CCT3: variants seen among roughly 807,000 people sequenced by gnomAD.
The protein encoded by CCT3 is T-complex protein 1 subunit gamma.
CCT3 carries 10 observed loss-of-function variants against 65.3 expected under a neutral mutation model. The ratio of observed to expected loss-of-function variants is 0.15; its 90% confidence interval spans 0.09 to 0.26. The LOEUF is 0.26. Ranked by LOEUF, CCT3 falls within the 10% of genes least tolerant of loss-of-function variation. The pLI, the probability that CCT3 is intolerant of heterozygous loss-of-function variation, is 1.00. For missense variants in CCT3, 626 were observed against 708.7 expected, an observed-to-expected ratio of 0.88 and a Z score of 1.33; for synonymous variants, 225 against 242.3, an observed-to-expected ratio of 0.93 and a Z score of 0.66.
intron 2 of CCT3, 31 bp downstream of exon 2, chr1:156,335,796 A>G (rs908153911): frequency 2.5e-6 from 4 of 1,594,532 alleles, no homozygotes; most frequent in Non-Finnish European, 3.4e-6. Flanking sequence ...GCTGGAGGCA[A>G]ACTACCATAA....
chr1:156,312,138 T>C lies in CCT3; in HGVS notation c.1058A>G (p.Lys353Arg), dbSNP rs1326364505. 3.7e-6 allele frequency: 6 copies of C among 1,614,116 alleles called. No homozygotes were observed. The highest frequency in any genetic ancestry group is 4.2e-6 in the Non-Finnish European group (5 of 1,180,018). The change falls in exon 11 of 14, where the codon AAG becomes AGG. Residue 353 changes from lysine (K) to arginine (R), a missense_variant. By Grantham distance (26) the Lys-to-Arg change is conservative. Transcript: ENST00000295688. ...AGTAAAGTATTCATCTCCAATTTTCTTGATTTCCAACAGGCCTGCTCCTGT... is the reference window on the plus strand; with the variant it reads ...AGTAAAGTATTCATCTCCAATTTTCCTGATTTCCAACAGGCCTGCTCCTGT... Reference protein sequence around the residue: ...VGTGAGLLEIKKIGDEYFTFI... With the variant: ...VGTGAGLLEIRKIGDEYFTFI...
chr1:156,323,701 G>A (rs4445457), intron 6 of CCT3, among the ~76,000 whole-genome samples: 38,979 of 151,742 alleles, frequency 0.26, 5,287 homozygotes, highest in Non-Finnish European at 0.27. Flanking sequence ...TCCTGACCTC[G>A]TGATCCGCCC....
chr1:156,316,675 A>G (rs1374563851), intron 10 of CCT3, among the ~76,000 whole-genome samples: 1 of 152,210 alleles, frequency 6.6e-6, no homozygotes, highest in African/African-American at 2.4e-5. Context: ...AGGCCTAGGT[A>G]ACACAGCAAG....
chr1:156,322,614 T>C (rs982313878), intron 6 of CCT3, among the ~76,000 whole-genome samples: 1 of 151,896 alleles, frequency 6.6e-6, no homozygotes, highest in Non-Finnish European at 1.5e-5. Context: ...TCCCAGCACC[T>C]TGGGAGGCCG....
chr1:156,323,269 CAT>C (rs1664644794), intron 6 of CCT3, among the ~76,000 whole-genome samples: 1 of 45,554 alleles, frequency 2.2e-5, no homozygotes, highest in Admixed American at 3.8e-4. Context: ...TCGCGCCATT[CAT>C]TGCACTCCAG....
chr1:156,334,754 C>T lies in CCT3; in HGVS notation c.166G>A (p.Gly56Ser), dbSNP rs1665261441. ...TTGCCATCATTGGTCATCACAATGCCTCCCATTGGGTCCAAAAGCATCTAA... is the reference window on the plus strand; with the variant it reads ...TTGCCATCATTGGTCATCACAATGCTTCCCATTGGGTCCAAAAGCATCTAA... Reference protein sequence around the residue: ...MMKMLLDPMGGIVMTNDGNAI... With the variant: ...MMKMLLDPMGSIVMTNDGNAI... The change falls in exon 4 of 14, where the codon GGC becomes AGC. Residue 56 changes from glycine (G) to serine (S), a missense_variant. Coordinates refer to ENST00000295688, the MANE Select transcript of CCT3 (RefSeq NM_005998.5). 1.9e-6 allele frequency: 3 copies of T among 1,614,144 alleles called. No homozygotes were observed. The highest frequency in any genetic ancestry group is 2.7e-5 in the African/African-American group (2 of 75,052).
intron 5 of CCT3, among the ~76,000 whole-genome samples, chr1:156,332,030 C>T (rs1665122329): frequency 8.9e-6 from 1 of 112,310 alleles, no homozygotes; most frequent in African/African-American, 2.8e-5. Context: ...GAGACTCCAT[C>T]TCAAAAAAAA....
Position 156,312,238 on chromosome 1 carries a change from G to T in CCT3, c.975-17C>A, listed in dbSNP as rs754239545. On this transcript the variant is annotated splice_polypyrimidine_tract_variant and intron_variant, in intron 10 of 13. Transcript: ENST00000295688. ...CCACAGGCTCTAATGGACGGAAGAGGTGGGGAGAATCAGATGATTTCAGAT... is the reference window on the plus strand; with the variant it reads ...CCACAGGCTCTAATGGACGGAAGAGTTGGGGAGAATCAGATGATTTCAGAT... 1.8e-5 allele frequency: 29 copies of T among 1,609,996 alleles called. No individual in the cohort carries two copies. The highest frequency in any genetic ancestry group is 1.7e-4 in the Middle Eastern group (1 of 6,040).
intron 10 of CCT3, among the ~76,000 whole-genome samples, chr1:156,313,937 A>C (rs1415091947): frequency 6.6e-6 from 1 of 152,014 alleles, no homozygotes; most frequent in Admixed American, 6.6e-5. Context: ...AAAATACAAA[A>C]ATTAGCTGGG....
chr1:156,312,242 G>A, intron 10 of CCT3, 21 bp from the exon 11 acceptor site: 2 of 1,608,356 alleles, frequency 1.2e-6, no homozygotes, highest in Non-Finnish European at 8.5e-7. Context: ...GAAGAGGTGG[G>A]GAGAATCAGA....
chr1:156,327,671 C>T (rs796747364), intron 5 of CCT3, among the ~76,000 whole-genome samples: 1,527 of 152,078 alleles, frequency 0.01, 24 homozygotes, highest in African/African-American at 0.035. Context: ...GCCTTGGCCT[C>T]CCAAAGAGCC....
intron 10 of CCT3, 102 bp from the exon 11 acceptor site, chr1:156,312,323 T>C (rs1572627053): frequency 1.8e-6 from 2 of 1,114,058 alleles, no homozygotes; most frequent in East Asian, 2.5e-5. Flanking sequence ...CAAAAGTGGA[T>C]TGTTGGAAAC....
chr1:156,313,701 A>G (rs1392697655), intron 10 of CCT3, among the ~76,000 whole-genome samples: 6 of 152,216 alleles, frequency 3.9e-5, no homozygotes, highest in African/African-American at 1.4e-4. Flanking sequence ...CTGGCTACCC[A>G]GAGCCCCATG....
chr1:156,313,362 A>AG (rs1553301154), intron 10 of CCT3, among the ~76,000 whole-genome samples: 15 of 146,166 alleles, frequency 1.0e-4, no homozygotes, highest in South Asian at 2.2e-4. Flanking sequence ...AAAAAAAAAA[A>AG]AGAGAGAGAG....
At chr1:156,333,698 G>A in intron 4 of CCT3, 55 bp from the exon 5 acceptor site, 2 of 1,346,918 alleles carry the variant, frequency 1.5e-6, no homozygotes. Context: ...CTGAACTCAT[G>A]AAGCTTGGCC....
chr1:156,328,891 C>A (rs1357312945), intron 5 of CCT3, among the ~76,000 whole-genome samples: 2 of 151,950 alleles, frequency 1.3e-5, no homozygotes, highest in Non-Finnish European at 2.9e-5. Flanking sequence ...ACATGTTATT[C>A]ATTAGTATGT....
At chr1:156,316,962 G>C (rs1361165388) in intron 10 of CCT3, among the ~76,000 whole-genome samples, 1 of 152,172 alleles carries the variant, frequency 6.6e-6, no homozygotes, top group Non-Finnish European at 1.5e-5. Flanking sequence ...GCTCACTAAT[G>C]GTTAGGGGCA....
rs1029928719 is a variant in CCT3, at chr1:156,338,233, A to C, written c.-49T>G. ...ACCCAGAGCTGGGGGAACCGGCAGA[A>C]CCTTCTGGAGAGAGAGAACCAGACA... On this transcript the variant is annotated 5_prime_UTR_variant, in exon 1 of 14. Coordinates refer to ENST00000295688, the MANE Select transcript of CCT3 (RefSeq NM_005998.5). 9 of 1,555,672 alleles carry C rather than the reference A, an allele frequency of 5.8e-6. No homozygotes were observed. Among genetic ancestry groups the C allele is most frequent in the Middle Eastern group, 1.7e-4 (1 of 5,988 alleles).
At chr1:156,314,062 G>C (rs887363070) in intron 10 of CCT3, among the ~76,000 whole-genome samples, 1 of 144,700 alleles carries the variant, frequency 6.9e-6, no homozygotes, top group African/African-American at 2.6e-5. Flanking sequence ...ACTCCAGCCT[G>C]GCAACAGAGC....
Sources: gnomAD v4.1 joint callset for allele counts (sites outside exome capture counted in the v4.1 genomes callset) on GRCh38, gnomAD v4.1.1 for gene constraint, MANE v1.5 for transcripts, NCBI Gene and HGNC (gene_info 2026-07-23, HGNC 2026-07-21) for gene names.